Variants in OSBPL11 observed in about 807,000 individuals in gnomAD.
The protein encoded by OSBPL11 is oxysterol-binding protein-related protein 11.
A neutral mutation model predicts 84.4 loss-of-function variants in OSBPL11; 33 were observed. The ratio of observed to expected loss-of-function variants is 0.39; its 90% CI spans 0.30 to 0.52. The LOEUF is 0.52. OSBPL11 is among the 20% of genes least tolerant of loss of function. The pLI is 0.72. For missense variants in OSBPL11, 736 were observed against 901.1 expected (o/e 0.82, Z 2.35); for synonymous variants, 276 against 310.2 (o/e 0.89, Z 1.16).
At chr3:125,536,086 G>C (rs532037157) in intron 11 of OSBPL11, among the ~76,000 whole-genome samples, 15 of 146,920 alleles carry the variant, frequency 1.0e-4, no homozygotes, top group Admixed American at 3.4e-4. Context: ...AGTGAGCCGA[G>C]ATCATGCCAC....
At chr3:125,575,694 T>C (rs2107606897) in intron 5 of OSBPL11, among the ~76,000 whole-genome samples, 1 of 146,198 alleles carries the variant, frequency 6.8e-6, no homozygotes, top group East Asian at 2.1e-4. Flanking sequence ...CACCCCCAGC[T>C]AAAATTAAAA....
intron 1 of OSBPL11, among the ~76,000 whole-genome samples, chr3:125,593,819 T>C (rs776935113): frequency 2.6e-5 from 4 of 152,110 alleles, no homozygotes; most frequent in Non-Finnish European, 5.9e-5. Flanking sequence ...GTTAGGCACA[T>C]AGGAGTCAAT....
chr3:125,534,829 A>G (rs1047759906), intron 11 of OSBPL11, among the ~76,000 whole-genome samples: 1 of 152,042 alleles, frequency 6.6e-6, no homozygotes, highest in Middle Eastern at 3.4e-3. Flanking sequence ...GTTTCATGCT[A>G]TAAGGGCAGA....
At chr3:125,589,890 T>C (rs1473729515) in intron 1 of OSBPL11, among the ~76,000 whole-genome samples, 1 of 152,204 alleles carries the variant, frequency 6.6e-6, no homozygotes, top group Non-Finnish European at 1.5e-5. Context: ...GGAAAATAGA[T>C]TTATCTGTTA....
chr3:125,579,804 G>T, intron 3 of OSBPL11, 61 bp downstream of exon 3: 1 of 1,487,480 alleles, frequency 6.7e-7, no homozygotes, highest in South Asian at 1.1e-5. Flanking sequence ...AAGCATGTAA[G>T]ACACCAACTT....
At chr3:125,542,453 A>G (rs1935744210) in intron 10 of OSBPL11, among the ~76,000 whole-genome samples, 1 of 151,278 alleles carries the variant, frequency 6.6e-6, no homozygotes, top group Admixed American at 6.6e-5. Flanking sequence ...CTCCTGCCTC[A>G]GCCTCCCGAG....
chr3:125,576,048 G>A (rs1462230650), intron 5 of OSBPL11, 141 bp downstream of exon 5: 5 of 684,384 alleles, frequency 7.3e-6, no homozygotes, highest in African/African-American at 3.9e-5. Context: ...GAATGTTTAC[G>A]ACTTAAAAAT....
intron 5 of OSBPL11, among the ~76,000 whole-genome samples, chr3:125,570,297 T>C (rs1936223906): frequency 5.0e-5 from 7 of 138,950 alleles, no homozygotes; most frequent in Admixed American, 4.5e-4. Flanking sequence ...TTCAAGACCA[T>C]CCTGGGGAAC....
At chr3:125,550,611 G>A (rs952025499) in intron 9 of OSBPL11, among the ~76,000 whole-genome samples, 3 of 152,150 alleles carry the variant, frequency 2.0e-5, no homozygotes, top group Non-Finnish European at 4.4e-5. Flanking sequence ...TACACTGTAA[G>A]ATGACATTCA....
rs376107382 is a variant in OSBPL11 at position 125,593,712 on chromosome 3, A to C, written c.164+925T>G. ...CATACATATGAATATTATTCATGAT[A>C]AATGTATATCCCTCACAAAATCTTG... On this transcript the variant is annotated intron_variant, in intron 1 of 12. Coordinates refer to ENST00000296220, the MANE Select transcript of OSBPL11 (RefSeq NM_022776.5). Among the ~76,000 whole-genome samples the C allele has an allele frequency of 6.4e-4, 97 of 152,314 alleles. 1 individual carries two copies. Among genetic ancestry groups the C allele is most frequent in the Non-Finnish European group, 7.9e-4 (54 of 68,032 alleles).
At chr3:125,588,214 C>T (rs1483719144) in intron 1 of OSBPL11, among the ~76,000 whole-genome samples, 1 of 145,280 alleles carries the variant, frequency 6.9e-6, no homozygotes, top group Non-Finnish European at 1.5e-5. Flanking sequence ...AGAGTAAGAC[C>T]CTGTCTCAAA....
At chr3:125,546,583 C>A (rs553070306) in intron 10 of OSBPL11, among the ~76,000 whole-genome samples, 1 of 152,036 alleles carries the variant, frequency 6.6e-6, no homozygotes, top group African/African-American at 2.4e-5. Context: ...CCACCCATGA[C>A]TAAAAAATCA....
chr3:125,557,828 C>T (rs1269566385), intron 8 of OSBPL11, among the ~76,000 whole-genome samples: 2 of 128,238 alleles, frequency 1.6e-5, no homozygotes, highest in African/African-American at 3.0e-5. Flanking sequence ...GACAGGGTCT[C>T]GCTCCGTTGA....
rs926023332 is a variant in OSBPL11, at chr3:125,529,656, T to G, written c.*859A>C. The G allele has an allele frequency of 1.3e-5, 2 of 152,602 alleles. No individual in the cohort carries two copies. The highest frequency in any genetic ancestry group is 2.4e-5 in the African/African-American group (1 of 41,458). 9.5% of individuals were successfully genotyped at this position (152,602 alleles called of 1,614,324 possible). On this transcript the variant is annotated 3_prime_UTR_variant, in exon 13 of 13. Coordinates refer to ENST00000296220, the MANE Select transcript of OSBPL11 (RefSeq NM_022776.5). ...AGAAGGAAAAAAGTAACAGTTTTAT[T>G]TTTTAATATTTGCTATTTTCTTTAA...
intron 1 of OSBPL11, among the ~76,000 whole-genome samples, chr3:125,593,755 G>A (rs988340937): frequency 6.6e-6 from 1 of 151,964 alleles, no homozygotes; most frequent in African/African-American, 2.4e-5. Context: ...TCCCTTCCAA[G>A]TTTCACAAAA....
chr3:125,593,574 C>G (rs1936634144), intron 1 of OSBPL11, among the ~76,000 whole-genome samples: 3 of 150,810 alleles, frequency 2.0e-5, no homozygotes, highest in African/African-American at 4.9e-5. Flanking sequence ...GAGCCGAGAT[C>G]GCGCCACCAC....
At chr3:125,573,318 T>C (rs1472300636) in intron 5 of OSBPL11, among the ~76,000 whole-genome samples, 1 of 152,170 alleles carries the variant, frequency 6.6e-6, no homozygotes, top group Non-Finnish European at 1.5e-5. Context: ...GCATATAATT[T>C]GTCTGAAAAC....
At chr3:125,586,892 G>T (rs1936520689) in intron 1 of OSBPL11, among the ~76,000 whole-genome samples, 1 of 152,120 alleles carries the variant, frequency 6.6e-6, no homozygotes, top group Non-Finnish European at 1.5e-5. Context: ...CTTTTAAACA[G>T]TTTCAAATCC....
chr3:125,584,380 A>C (rs1399082411), intron 1 of OSBPL11, among the ~76,000 whole-genome samples: 2 of 152,112 alleles, frequency 1.3e-5, no homozygotes, highest in Non-Finnish European at 1.5e-5. Context: ...AAAAACAAAA[A>C]TAAAAAAACA....
Sources: gnomAD v4.1 joint callset for allele counts (sites outside exome capture counted in the v4.1 genomes callset) on GRCh38, gnomAD v4.1.1 for gene constraint, MANE v1.5 for transcripts, NCBI Gene and HGNC (gene_info 2026-07-23, HGNC 2026-07-21) for gene names.